Variants in USP47 observed in about 807,000 individuals in gnomAD.
USP47 encodes ubiquitin carboxyl-terminal hydrolase 47.
Under a neutral mutation model 165.1 loss-of-function variants are expected in USP47, and 35 were observed. That is an observed-to-expected ratio of 0.21 (90% CI 0.16 to 0.28). USP47 has a LOEUF of 0.28. USP47 is among the 10% of genes least tolerant of loss of function. The probability of loss-of-function intolerance (pLI) is 1.00; values close to 1 mark genes in which losing one functional copy is unlikely to be tolerated. For missense variants in USP47, 1,277 were observed against 1,607.4 expected, an observed-to-expected ratio of 0.79 and a Z score of 3.52; for synonymous variants, 531 against 544.5, an observed-to-expected ratio of 0.98 and a Z score of 0.35.
chr11:11,948,735 T>C (rs947614596), intron 22 of USP47, 177 bp downstream of exon 22: 6 of 557,806 alleles, frequency 1.1e-5, no homozygotes, highest in East Asian at 2.9e-5. Context: ...TCTGCTATTA[T>C]AGCACAAGGA....
intron 3 of USP47, among the ~76,000 whole-genome samples, chr11:11,885,320 C>A (rs527877342): frequency 1.3e-5 from 2 of 152,114 alleles, no homozygotes; most frequent in Non-Finnish European, 2.9e-5. Flanking sequence ...ACAGCACATT[C>A]AACTGAAATA....
At chr11:11,869,527 G>A (rs772690860) in intron 1 of USP47, among the ~76,000 whole-genome samples, 58 of 152,058 alleles carry the variant, frequency 3.8e-4, no homozygotes, top group Admixed American at 2.0e-4. Flanking sequence ...TTAAAATCAG[G>A]TAAACTGAGA....
At chr11:11,842,386 A>G (rs1848176350) in intron 1 of USP47, among the ~76,000 whole-genome samples, 162 bp downstream of exon 1, 1 of 151,866 alleles carries the variant, frequency 6.6e-6, no homozygotes, top group Non-Finnish European at 1.5e-5. Flanking sequence ...TGCGGCGAGC[A>G]GTTGGGAGAC....
intron 3 of USP47, among the ~76,000 whole-genome samples, chr11:11,888,478 T>TA (rs1041918648): frequency 6.6e-6 from 1 of 152,010 alleles, no homozygotes; most frequent in Non-Finnish European, 1.5e-5. Context: ...CCTGGACACA[T>TA]ACACCGTTCC....
intron 1 of USP47, among the ~76,000 whole-genome samples, chr11:11,850,084 T>C (rs1848639946): frequency 6.6e-6 from 1 of 152,174 alleles, no homozygotes; most frequent in Non-Finnish European, 1.5e-5. Flanking sequence ...AATTCTTGTA[T>C]TATGTAGTTA....
At chr11:11,913,894 CA>C (rs967077872) in intron 8 of USP47, among the ~76,000 whole-genome samples, 2 of 151,674 alleles carry the variant, frequency 1.3e-5, no homozygotes, top group African/African-American at 4.8e-5. Context: ...TATTATGTGT[CA>C]AAAAAACTTT....
At chr11:11,911,472 A>G (rs1279791040) in intron 8 of USP47, among the ~76,000 whole-genome samples, 1 of 152,172 alleles carries the variant, frequency 6.6e-6, no homozygotes, top group Non-Finnish European at 1.5e-5. Context: ...TTAGTGTCAG[A>G]TAAAGAAGAC....
chr11:11,897,188 G>A (rs1156812166), intron 4 of USP47, among the ~76,000 whole-genome samples: 1 of 151,264 alleles, frequency 6.6e-6, no homozygotes, highest in Non-Finnish European at 1.5e-5. Context: ...GTGTGGTGCT[G>A]TTTAAAGTGA....
In USP47 at chr11:11,936,696, G is replaced by A. The variant is rs566353929; in HGVS notation, c.2077+186G>A. On this transcript the variant is annotated intron_variant, in intron 17 of 27. Transcript: ENST00000527733. The stretch of plus-strand genomic sequence containing the variant: ...TTAAGTTCTAGATTACTTGCAAAGA[G>A]TTGTGTACATAATTTTAAAAACAAC... Among the ~76,000 whole-genome samples the A allele has an allele frequency of 3.9e-5, 6 of 151,976 alleles. No homozygotes were observed. The South Asian group carries it at 1.2e-3, about 31-fold the overall frequency.
intron 13 of USP47, among the ~76,000 whole-genome samples, chr11:11,930,409 A>G (rs1395614509): frequency 6.6e-6 from 1 of 152,164 alleles, no homozygotes; most frequent in Non-Finnish European, 1.5e-5. Flanking sequence ...GCTGGAAACA[A>G]CTTGCTGGCC....
Position 11,947,970 on chromosome 11 carries a change from A to G in USP47, c.3117A>G (p.Arg1039=). The G allele has an allele frequency of 6.2e-7, 1 of 1,610,930 alleles. No homozygotes were observed. Among genetic ancestry groups the G allele is most frequent in the Non-Finnish European group, 8.5e-7 (1 of 1,179,016 alleles). ...GGTTGATGGTGCATGTTGATAAAAG[A>G]ATTACTCTGGCAGCTTTCAAACAAC... The part of the protein sequence containing the change: ...HKWLMVHVDK[R]ITLAAFKQHL... The change falls in exon 21 of 28, where the codon AGA becomes AGG. Residue 1039 remains arginine, a synonymous_variant. Coordinates refer to ENST00000527733, the MANE Select transcript of USP47 (RefSeq NM_001282659.2).
chr11:11,931,500 T>A (rs1854664369), intron 14 of USP47, among the ~76,000 whole-genome samples: 1 of 152,166 alleles, frequency 6.6e-6, no homozygotes, highest in African/African-American at 2.4e-5. Context: ...ATAAAGAAAC[T>A]ACCCCAAAGA....
intron 1 of USP47, among the ~76,000 whole-genome samples, chr11:11,871,278 T>C (rs1033832462): frequency 2.0e-5 from 3 of 151,660 alleles, no homozygotes; most frequent in Non-Finnish European, 2.9e-5. Context: ...CCGAGGCGGA[T>C]AGGTCATGAG....
intron 1 of USP47, among the ~76,000 whole-genome samples, chr11:11,853,272 C>T (rs1848829648): frequency 6.6e-6 from 1 of 152,120 alleles, no homozygotes; most frequent in Non-Finnish European, 1.5e-5. Context: ...AAGACATCTA[C>T]TTTTAGAACA....
intron 27 of USP47, among the ~76,000 whole-genome samples, chr11:11,955,623 G>T (rs745410558): frequency 9.2e-5 from 14 of 152,150 alleles, no homozygotes; most frequent in Non-Finnish European, 1.8e-4. Flanking sequence ...ACAAATCTGG[G>T]TTCAAAACTA....
intron 3 of USP47, among the ~76,000 whole-genome samples, chr11:11,885,499 G>C (rs966575190): frequency 6.6e-6 from 1 of 152,082 alleles, no homozygotes. Flanking sequence ...AGGAAACCAC[G>C]CTACTTTCAT....
intron 8 of USP47, among the ~76,000 whole-genome samples, chr11:11,919,506 C>T (rs7941662): frequency 0.026 from 3,978 of 151,876 alleles, 149 homozygotes; most frequent in African/African-American, 0.081. Flanking sequence ...AAGTTTCTTA[C>T]TTCTGTTGTA....
chr11:11,906,647 C>T (rs182796346), intron 8 of USP47, among the ~76,000 whole-genome samples: 1 of 152,120 alleles, frequency 6.6e-6, no homozygotes, highest in Non-Finnish European at 1.5e-5. Context: ...TTTTCATAGT[C>T]GGCTTCCTGA....
chr11:11,880,224 T>C lies in USP47; in HGVS notation c.87T>C (p.Asp29=), dbSNP rs1590288561. ...EEPRVLCIIQ[D]TTNSKTVNER... The stretch of plus-strand genomic sequence containing the variant: ...CTAGAGTCTTATGTATTATACAAGA[T>C]ACTACTAATTCAAAGACAGTGAATG... Residue 29 remains aspartate, a synonymous_variant, in exon 2 of 28, where the codon GAT becomes GAC. Coordinates refer to ENST00000527733, the MANE Select transcript of USP47 (RefSeq NM_001282659.2). 6 of 1,466,742 alleles carry C rather than the reference T, an allele frequency of 4.1e-6. No individual in the cohort carries two copies. In the East Asian group the frequency reaches 1.4e-4, roughly 33 times the overall value. The allele number at this position is 1,466,742 out of a possible 1,614,324, so 90.9% of individuals were successfully genotyped here.
Sources: allele counts gnomAD v4.1 joint callset (sites outside exome capture counted in the v4.1 genomes callset), GRCh38; gene constraint gnomAD v4.1.1; transcripts MANE v1.5; gene names NCBI Gene and HGNC (gene_info 2026-07-23, HGNC 2026-07-21).